The following LILRB4 variants were observed in gnomAD, a reference collection of about 807,000 sequenced individuals.
The protein encoded by LILRB4 is leukocyte immunoglobulin-like receptor subfamily B member 4.
Under a neutral mutation model 55.2 loss-of-function variants are expected in LILRB4, and 49 were observed. The ratio of observed to expected loss-of-function variants is 0.89; its 90% CI spans 0.71 to 1.13. The LOEUF (loss-of-function observed/expected upper bound fraction) is 1.13. LILRB4 is among the 50% of genes most tolerant of loss of function. The pLI, the probability that LILRB4 is intolerant of heterozygous loss-of-function variation, is 0.00. For missense variants in LILRB4, 590 were observed against 555.2 expected (o/e 1.06, Z -0.63); for synonymous variants, 229 against 213.8 (o/e 1.07, Z -0.62).
exon 1 of LILRB4, chr19:54,663,021 G>A (rs756689826): frequency 6.8e-6 from 11 of 1,613,924 alleles, no homozygotes; most frequent in Non-Finnish European, 8.5e-6. Flanking sequence ...TGGGGCCCCT[G>A]GGAGGAGACG....
intron 4 of LILRB4, 128 bp downstream of exon 4, chr19:54,664,613 G>A: frequency 3.6e-6 from 4 of 1,121,238 alleles, no homozygotes; most frequent in Non-Finnish European, 5.1e-6. Flanking sequence ...CAGAGGGGAG[G>A]AGGACAACAG....
Position 54,666,670 on chromosome 19 carries a change from G to T in LILRB4, c.989-27G>T. The T allele has an allele frequency of 6.2e-7, 1 of 1,612,528 alleles. No homozygotes were observed. Among genetic ancestry groups the T allele is most frequent in the Non-Finnish European group, 8.5e-7 (1 of 1,178,848 alleles). On this transcript the variant is annotated intron_variant, in intron 9 of 11. Transcript: ENST00000430952. The surrounding 1 kb of genome is among the most constrained non-coding windows in gnomAD (Gnocchi z 4.8). ...GAGGTCCCAGGGAACCTTCCCAGGA[G>T]ATGAACCCCTTGCTCTACCCCAGCA...
At chr19:54,663,975 T>C in exon 3 of LILRB4, 1 of 1,614,054 alleles carries the variant, frequency 6.2e-7, no homozygotes, top group Non-Finnish European at 8.5e-7. Flanking sequence ...GAGATACCGC[T>C]GTTACTATCG....
rs1329975384 is a variant in LILRB4 at position 54,666,637 on chromosome 19, AGGAATGAG to A, written c.989-59_989-52del. On this transcript the variant is annotated intron_variant, in intron 9 of 11. Coordinates refer to ENST00000430952, the Ensembl canonical transcript of LILRB4. The surrounding 1 kb of genome is among the most constrained non-coding windows in gnomAD (Gnocchi z 4.8). ...TAATGGGAACAGGGCAGGGACCAGC[AGGAATGAG>A]AGGTCCCAGGGAACCTTCCCAGGAG... 1.2e-5 allele frequency: 19 copies of A among 1,552,244 alleles called. No individual in the cohort carries two copies. Among genetic ancestry groups the A allele is most frequent in the Non-Finnish European group, 1.7e-5 (19 of 1,127,700 alleles).
In LILRB4 at chr19:54,665,489, G is replaced by C. The variant is rs138453842; in HGVS notation, c.757+309G>C. Among the ~76,000 whole-genome samples the C allele has an allele frequency of 5.3e-5, 8 of 152,194 alleles. No individual in the cohort carries two copies. Among genetic ancestry groups the C allele is most frequent in the African/African-American group, 1.9e-4 (8 of 41,534 alleles). On this transcript the variant is annotated intron_variant, in intron 6 of 11. Coordinates refer to ENST00000430952, the Ensembl canonical transcript of LILRB4. The surrounding 1 kb of genome is among the most constrained non-coding windows in gnomAD (Gnocchi z 5.5). ...CTGGGGCAGGGGAGGGGAGCAGGGC[G>C]GTGGTTCAAGACAGTCAGGCTCTTT...
At chr19:54,663,269 AC>A (rs1445825885) in intron 1 of LILRB4, among the ~76,000 whole-genome samples, 1 of 151,454 alleles carries the variant, frequency 6.6e-6, no homozygotes, top group Non-Finnish European at 1.5e-5. Context: ...ACACGGTGAA[AC>A]CCTGTCTCTA....
rs1320640493 is a variant in LILRB4 at position 54,666,349 on chromosome 19, A to G, written c.950+34A>G. Reference sequence around the variant, plus strand: ...GCCCAAAGACCTCAGACTCCCACCCATCCCAACAGCCACCTCACTGTCCCC... The same window carrying G: ...GCCCAAAGACCTCAGACTCCCACCCGTCCCAACAGCCACCTCACTGTCCCC... On this transcript the variant is annotated intron_variant, in intron 8 of 11. Transcript: ENST00000430952. This position sits in a 1 kb window ranked among gnomAD's most constrained non-coding sequence, Gnocchi z 4.8. The G allele has an allele frequency of 1.2e-6, 2 of 1,610,714 alleles. No individual in the cohort carries two copies. The highest frequency in any genetic ancestry group is 1.7e-6 in the Non-Finnish European group (2 of 1,178,298).
At position 54,666,229 on chromosome 19, in the gene LILRB4, T is replaced by C; in HGVS notation, c.875-11T>C. ...GTTCCCAGAGCTGAGACTCTGTCCA[T>C]CTTCCCCCAGCCCAGAGACAGGCTG... is the stretch of plus-strand genomic sequence containing the variant. On this transcript the variant is annotated splice_polypyrimidine_tract_variant and intron_variant, in intron 7 of 11. Coordinates refer to ENST00000430952, the Ensembl canonical transcript of LILRB4. This position sits in a 1 kb window ranked among gnomAD's most constrained non-coding sequence, Gnocchi z 4.8. The C allele has an allele frequency of 6.3e-7, 1 of 1,581,410 alleles. No individual in the cohort carries two copies. Among genetic ancestry groups the C allele is most frequent in the Non-Finnish European group, 8.6e-7 (1 of 1,165,448 alleles).
In LILRB4 at chr19:54,667,042, T is replaced by C. The variant is rs568239880; in HGVS notation, c.1041+293T>C. Reference sequence around the variant, plus strand: ...GAATAAATGAACCACTCCAGTCCCCTGGGCTCCCCTTCATTCATTCATCTA... The same window carrying C: ...GAATAAATGAACCACTCCAGTCCCCCGGGCTCCCCTTCATTCATTCATCTA... On this transcript the variant is annotated intron_variant, in intron 10 of 11. Transcript: ENST00000430952. 1,497 of 658,146 alleles carry C rather than the reference T, an allele frequency of 2.3e-3. 2 individuals carry two copies. The highest frequency in any genetic ancestry group is 3.2e-3 in the Non-Finnish European group (1,114 of 349,760). The allele number at this position is 658,146 out of a possible 1,614,324, so 40.8% of individuals were successfully genotyped here.
chr19:54,664,664 G>C lies in LILRB4; in HGVS notation c.656-135G>C, dbSNP rs1019518582. 6 of 975,778 alleles carry C rather than the reference G, an allele frequency of 6.1e-6. No homozygotes were observed. The African/African-American group carries it at 6.6e-5, about 11-fold the overall frequency. 60.4% of individuals were successfully genotyped at this position (975,778 alleles called of 1,614,324 possible). Reference sequence around the variant, plus strand: ...TGCCCATGCTCTTCTCCCTCACCTAGGGTCCAGAAGGTGCCAGGTGGACAG... The same window carrying C: ...TGCCCATGCTCTTCTCCCTCACCTACGGTCCAGAAGGTGCCAGGTGGACAG... On this transcript the variant is annotated intron_variant, in intron 4 of 11. Transcript: ENST00000430952.
At position 54,666,415 on chromosome 19, in the gene LILRB4, G is replaced by A; in HGVS notation, c.967G>A (p.Asp323Asn). The A allele has an allele frequency of 6.2e-7, 1 of 1,614,144 alleles. No individual in the cohort carries two copies. Residue 323 changes from aspartate to asparagine, a missense_variant, in exon 9 of 12, where the codon GAC becomes AAC. Coordinates refer to ENST00000430952, the Ensembl canonical transcript of LILRB4. The surrounding 1 kb of genome is among the most constrained non-coding windows in gnomAD (Gnocchi z 4.8). Reference sequence around the variant, plus strand: ...CTCCCCCAGGTCCAGCCCAGCTGCTGACGTCCAGGGAGAAAACTTCTGTGA... The same window carrying A: ...CTCCCCCAGGTCCAGCCCAGCTGCTAACGTCCAGGGAGAAAACTTCTGTGA...
rs1229775148 is a variant in LILRB4, at chr19:54,665,348, T to C, written c.757+168T>C. Reference sequence around the variant, plus strand: ...GAGAGAGGCCTGCGGGTGGGAAAGTTCCTTTCAGCTCTGACTCCCAGCTGT... The same window carrying C: ...GAGAGAGGCCTGCGGGTGGGAAAGTCCCTTTCAGCTCTGACTCCCAGCTGT... On this transcript the variant is annotated intron_variant, in intron 6 of 11. Transcript: ENST00000430952. This position sits in a 1 kb window ranked among gnomAD's most constrained non-coding sequence, Gnocchi z 5.5. The C allele has an allele frequency of 4.4e-6, 4 of 909,208 alleles. No individual in the cohort carries two copies. Among genetic ancestry groups the C allele is most frequent in the Non-Finnish European group, 5.3e-6 (4 of 760,704 alleles). 56.3% of individuals were successfully genotyped at this position (909,208 alleles called of 1,614,324 possible). A position where few individuals can be genotyped will look rare whatever the true frequency, so the allele number is the denominator to read the frequency against.
chr19:54,664,774 A>G (rs1568642469), intron 4 of LILRB4, 25 bp from the exon 5 acceptor site: 1 of 1,539,898 alleles, frequency 6.5e-7, no homozygotes, highest in East Asian at 2.3e-5. Context: ...CCAGACTCTC[A>G]CCCTCCTCTT....
intron 2 of LILRB4, 72 bp from the exon 3 acceptor site, chr19:54,663,682 G>T (rs548352811): frequency 9.0e-5 from 145 of 1,608,044 alleles, no homozygotes; most frequent in Middle Eastern, 7.6e-4. Flanking sequence ...ATGACGGGGG[G>T]GTCCTGGGGC....
rs149758261 is a variant in LILRB4, at chr19:54,664,343, C to T, written c.513C>T (p.His171=). ...CCCTACTGCATCTGAGATCAGAGCA[C>T]GGAGCTCAGCAGCACCAGGCTGAAT... is the stretch of plus-strand genomic sequence containing the variant. The change falls in exon 4 of 12, where the codon CAC becomes CAT. Residue 171 remains histidine (H), a synonymous_variant. Coordinates refer to ENST00000430952, the Ensembl canonical transcript of LILRB4. 3.3e-5 allele frequency: 53 copies of T among 1,614,150 alleles called. No homozygotes were observed. In the East Asian group the frequency reaches 6.9e-4, roughly 21 times the overall value.
Position 54,665,921 on chromosome 19 carries a change from C to T in LILRB4, c.864C>T (p.His288=). The T allele has an allele frequency of 1.9e-6, 3 of 1,613,874 alleles. No individual in the cohort carries two copies. Among genetic ancestry groups the T allele is most frequent in the South Asian group, 2.2e-5 (2 of 91,036 alleles). ...TCCAACACTGGCGTCAGGGAAAACACAGGACATTGGGTAAGTAGGAAATTG... is the reference window on the plus strand; with the variant it reads ...TCCAACACTGGCGTCAGGGAAAACATAGGACATTGGGTAAGTAGGAAATTG... The change falls in exon 7 of 12, where the codon CAC becomes CAT. Residue 288 remains histidine, a synonymous_variant. Coordinates refer to ENST00000430952, the Ensembl canonical transcript of LILRB4. This position sits in a 1 kb window ranked among gnomAD's most constrained non-coding sequence, Gnocchi z 5.5.
At chr19:54,663,502 G>A (rs540569376) in intron 1 of LILRB4, 30 bp from the exon 2 acceptor site, 28 of 1,611,198 alleles carry the variant, frequency 1.7e-5, no homozygotes, top group Non-Finnish European at 2.1e-5. Context: ...GGCTTCCGGG[G>A]CAAATCCCTC....
rs1749318 is a variant in LILRB4 at position 54,666,772 on chromosome 19, G to A, written c.1041+23G>A. ...CGGGTGAGAACCCGCCCCTGTCCCC[G>A]GCACCAAAGGCCTCCTGGTGCCAGA... is the stretch of plus-strand genomic sequence containing the variant. On this transcript the variant is annotated intron_variant, in intron 10 of 11. Transcript: ENST00000430952. This position sits in a 1 kb window ranked among gnomAD's most constrained non-coding sequence, Gnocchi z 4.8. The A allele has an allele frequency of 0.049, 78,189 of 1,608,828 alleles. 2,217 individuals carry two copies. The highest frequency in any genetic ancestry group is 0.056 in the Non-Finnish European group (65,305 of 1,175,362).
intron 3 of LILRB4, 49 bp downstream of exon 3, chr19:54,664,087 G>T (rs370914566): frequency 4.4e-6 from 7 of 1,605,174 alleles, no homozygotes; most frequent in Non-Finnish European, 6.0e-6. Context: ...CCTCAGGAAG[G>T]GGGTCAGCTC....
Sources: allele counts gnomAD v4.1 joint callset (sites outside exome capture counted in the v4.1 genomes callset), GRCh38; gene constraint gnomAD v4.1.1; non-coding constraint Gnocchi (gnomAD v3.1); transcripts MANE v1.5; gene names NCBI Gene and HGNC (gene_info 2026-07-23, HGNC 2026-07-21).